Variants in EXT1 observed in about 807,000 individuals in gnomAD.
EXT1 encodes the protein exostosin glycosyltransferase 1, also known as exostosin-1.
In EXT1, 20 loss-of-function variants were observed where a neutral mutation model predicts 82.5. The ratio of observed to expected loss-of-function variants is 0.24; its 90% CI spans 0.17 to 0.35. The LOEUF is 0.35. EXT1 is among the 10% of genes least tolerant of loss of function. EXT1 has a pLI of 1.00. For missense variants in EXT1, 757 were observed against 936.5 expected, an observed-to-expected ratio of 0.81 and a Z score of 2.50; for synonymous variants, 348 against 350.8, an observed-to-expected ratio of 0.99 and a Z score of 0.09.
At chr8:118,081,642 T>A (rs75518111) in intron 1 of EXT1, among the ~76,000 whole-genome samples, 2,264 of 152,322 alleles carry the variant, frequency 0.015, 56 homozygotes, top group African/African-American at 0.051. Context: ...CATCTGCCTT[T>A]CATCCCTGCA....
In EXT1 at chr8:117,965,132, T is replaced by C. The variant is rs1230704987; in HGVS notation, c.963-127931A>G. Among the ~76,000 whole-genome samples, 3 of 152,308 alleles carry C rather than the reference T, an allele frequency of 2.0e-5. No homozygotes were observed. In the East Asian group the frequency reaches 5.8e-4, roughly 29 times the overall value. ...CTTGAGATACGTAGTGTCTTGTTTTTTTGTTTGTTTTTTTAAGTTAATCAT... is the reference window on the plus strand; with the variant it reads ...CTTGAGATACGTAGTGTCTTGTTTTCTTGTTTGTTTTTTTAAGTTAATCAT... On this transcript the variant is annotated intron_variant, in intron 1 of 10. Transcript: ENST00000378204.
At chr8:118,005,821 T>A (rs1240933610) in intron 1 of EXT1, among the ~76,000 whole-genome samples, 1 of 152,228 alleles carries the variant, frequency 6.6e-6, no homozygotes, top group Non-Finnish European at 1.5e-5. Flanking sequence ...CTATGTATGC[T>A]TCTTCATTTA....
chr8:117,918,903 G>A (rs1242369964), intron 1 of EXT1, among the ~76,000 whole-genome samples: 2 of 152,012 alleles, frequency 1.3e-5, no homozygotes, highest in Non-Finnish European at 2.9e-5. Context: ...ACTGTTGGAG[G>A]AGAATATGAG....
intron 1 of EXT1, among the ~76,000 whole-genome samples, chr8:118,012,494 C>T (rs899469631): frequency 3.9e-5 from 6 of 152,156 alleles, no homozygotes; most frequent in South Asian, 2.1e-4. Context: ...CAAGGCCACC[C>T]GACAAGGCAG....
At chr8:118,094,476 G>C (rs556535243) in intron 1 of EXT1, among the ~76,000 whole-genome samples, 1 of 152,178 alleles carries the variant, frequency 6.6e-6, no homozygotes, top group Admixed American at 6.5e-5. Context: ...ACATACAAAC[G>C]GTAAGCCTGA....
At chr8:117,925,224 A>G (rs1813930387) in intron 1 of EXT1, among the ~76,000 whole-genome samples, 2 of 152,158 alleles carry the variant, frequency 1.3e-5, no homozygotes. Flanking sequence ...CTTTCCTCAT[A>G]TGACAGGAAA....
intron 1 of EXT1, among the ~76,000 whole-genome samples, chr8:117,976,078 T>C (rs1211657993): frequency 1.3e-5 from 2 of 152,198 alleles, no homozygotes; most frequent in African/African-American, 4.8e-5. Context: ...AGAAATCATT[T>C]ATCTCAGAAT....
intron 1 of EXT1, among the ~76,000 whole-genome samples, chr8:118,104,462 G>A (rs1310750894): frequency 6.6e-6 from 1 of 151,958 alleles, no homozygotes; most frequent in South Asian, 2.1e-4. Flanking sequence ...TTATGACCTC[G>A]AGAGAAAAAA....
At chr8:118,065,142 C>T (rs565006001) in intron 1 of EXT1, among the ~76,000 whole-genome samples, 12 of 152,186 alleles carry the variant, frequency 7.9e-5, no homozygotes, top group Non-Finnish European at 1.0e-4. Context: ...CATGAGTCAC[C>T]GCCCCTGGCC....
At chr8:117,873,214 C>CT (rs1401233563) in intron 1 of EXT1, among the ~76,000 whole-genome samples, 1 of 152,202 alleles carries the variant, frequency 6.6e-6, no homozygotes, top group Admixed American at 6.5e-5. Context: ...GTCTCGGACT[C>CT]TGAGTCTCCA....
At chr8:118,070,226 CTGTGTGTGTGTGTG>C (rs36229782) in intron 1 of EXT1, among the ~76,000 whole-genome samples, 5,834 of 133,438 alleles carry the variant, frequency 0.044, 146 homozygotes, top group South Asian at 0.13. Flanking sequence ...TCATAAATTT[CTGTGTGTGTGTGTG>C]TGTGTGTGTG....
intron 1 of EXT1, among the ~76,000 whole-genome samples, chr8:118,052,824 A>G (rs1246725758): frequency 1.4e-4 from 21 of 152,210 alleles, no homozygotes; most frequent in Non-Finnish European, 1.5e-5. Context: ...TCTGCAGTGA[A>G]GGCAACACAA....
chr8:117,854,615 A>T (rs535766114), intron 1 of EXT1, among the ~76,000 whole-genome samples: 1 of 152,398 alleles, frequency 6.6e-6, no homozygotes, highest in South Asian at 2.1e-4. Context: ...ATAATACCTT[A>T]GCATGTAGAA....
chr8:117,939,421 T>C (rs1315269363), intron 1 of EXT1, among the ~76,000 whole-genome samples: 6 of 151,486 alleles, frequency 4.0e-5, no homozygotes, highest in Non-Finnish European at 7.4e-5. Context: ...AATACAAAAT[T>C]AGCAGGGTAT....
intron 1 of EXT1, among the ~76,000 whole-genome samples, chr8:117,875,725 G>A (rs1411876755): frequency 6.6e-6 from 1 of 151,900 alleles, no homozygotes. Flanking sequence ...AGGAGTTGAG[G>A]GAAGAAGAAA....
At chr8:118,042,102 C>T (rs1297515353) in intron 1 of EXT1, among the ~76,000 whole-genome samples, 1 of 152,090 alleles carries the variant, frequency 6.6e-6, no homozygotes, top group African/African-American at 2.4e-5. Context: ...TGGTGTCTCC[C>T]CTGTTAAAGA....
intron 1 of EXT1, among the ~76,000 whole-genome samples, chr8:117,973,420 C>T (rs1156754891): frequency 6.6e-6 from 1 of 152,152 alleles, no homozygotes; most frequent in Non-Finnish European, 1.5e-5. Context: ...GGATCTCCAT[C>T]CCCAAAGGTA....
intron 1 of EXT1, among the ~76,000 whole-genome samples, chr8:118,084,247 C>T (rs1817381598): frequency 6.6e-6 from 1 of 152,168 alleles, no homozygotes; most frequent in Admixed American, 6.5e-5. Flanking sequence ...AGTTAAGATG[C>T]AAGGAACTCT....
At chr8:118,093,864 G>A (rs1388419517) in intron 1 of EXT1, among the ~76,000 whole-genome samples, 1 of 152,216 alleles carries the variant, frequency 6.6e-6, no homozygotes, top group Non-Finnish European at 1.5e-5. Context: ...CAGAAACGGT[G>A]CAGAGGTCTG....
Sources: gnomAD v4.1 joint callset for allele counts (sites outside exome capture counted in the v4.1 genomes callset) on GRCh38, gnomAD v4.1.1 for gene constraint, MANE v1.5 for transcripts, NCBI Gene and HGNC (gene_info 2026-07-23, HGNC 2026-07-21) for gene names.